Variants in ZNF148 observed in about 807,000 individuals in gnomAD.
The protein encoded by ZNF148 is Beta-Enolase Repressor Factor-1.
ZNF148 carries 7 observed loss-of-function variants against 67.7 expected under a neutral mutation model. That is an observed-to-expected ratio of 0.10 (90% CI 0.06 to 0.19). The LOEUF is 0.19. ZNF148 is among the 10% of genes least tolerant of loss of function. The probability of loss-of-function intolerance (pLI) is 1.00; values close to 1 mark genes in which losing one functional copy is unlikely to be tolerated. For synonymous variants in ZNF148, 333 were observed against 330.7 expected (o/e 1.01, Z -0.08); for missense variants, 583 against 947.1 (o/e 0.62, Z 5.05).
intron 1 of ZNF148, among the ~76,000 whole-genome samples, chr3:125,352,953 A>G (rs1344227937): frequency 6.6e-6 from 1 of 152,138 alleles, no homozygotes; most frequent in Non-Finnish European, 1.5e-5. Flanking sequence ...CCCAAAACAG[A>G]CCAATACAAA....
intron 1 of ZNF148, among the ~76,000 whole-genome samples, chr3:125,364,622 ACT>A (rs1942647189): frequency 1.4e-5 from 2 of 144,682 alleles, no homozygotes; most frequent in African/African-American, 5.3e-5. Context: ...ACACAACACT[ACT>A]CTGTTATGAC....
rs10576530 is a variant in ZNF148, at chr3:125,256,967, GTTTTTTT to G, written c.667+20752_667+20758del. Among the ~76,000 whole-genome samples, 17 of 108,120 alleles carry G rather than the reference GTTTTTTT, an allele frequency of 1.6e-4. No individual in the cohort carries two copies. The East Asian group carries it at 2.0e-3, about 12-fold the overall frequency. The allele number at this position is 108,120 out of a possible 152,430, so 70.9% of individuals were successfully genotyped here. On this transcript the variant is annotated intron_variant, in intron 7 of 8. Transcript: ENST00000360647. Reference sequence around the variant, plus strand: ...TATGTTTTCAGTTCCAGAACTTCCAGTTTTTTTTTTTTTTTTTTTTTTTTACAAACTG... The same window carrying G: ...TATGTTTTCAGTTCCAGAACTTCCAGTTTTTTTTTTTTTTTTTACAAACTG...
chr3:125,330,689 CAACA>C (rs1340828855), intron 2 of ZNF148, among the ~76,000 whole-genome samples: 1 of 151,874 alleles, frequency 6.6e-6, no homozygotes, highest in African/African-American at 2.4e-5. Context: ...ATTAAAAATA[CAACA>C]AACAGAAGAA....
intron 1 of ZNF148, among the ~76,000 whole-genome samples, chr3:125,355,043 G>C (rs961609309): frequency 6.6e-6 from 1 of 152,028 alleles, no homozygotes; most frequent in Non-Finnish European, 1.5e-5. Flanking sequence ...TCCAACCTTG[G>C]GTAAGTCACC....
At chr3:125,265,382 C>T (rs1333577910) in intron 7 of ZNF148, among the ~76,000 whole-genome samples, 1 of 152,256 alleles carries the variant, frequency 6.6e-6, no homozygotes, top group Non-Finnish European at 1.5e-5. Context: ...CCCAGCCAGT[C>T]TCTAGCATTT....
At position 125,232,058 on chromosome 3, in the gene ZNF148, CTT is replaced by C. The variant is rs566376383; in HGVS notation, c.*281_*282del. 3.5e-6 allele frequency: 1 copy of C among 286,140 alleles called. No homozygotes were observed. Among genetic ancestry groups the C allele is most frequent in the Non-Finnish European group, 6.5e-6 (1 of 154,012 alleles). 17.7% of individuals were successfully genotyped at this position (286,140 alleles called of 1,614,324 possible). A position where few individuals can be genotyped will look rare whatever the true frequency, so the allele number is the denominator to read the frequency against. On this transcript the variant is annotated 3_prime_UTR_variant, in exon 9 of 9. Coordinates refer to ENST00000360647, the MANE Select transcript of ZNF148 (RefSeq NM_021964.3). This position sits in a 1 kb window ranked among gnomAD's most constrained non-coding sequence, Gnocchi z 4.2. The stretch of plus-strand genomic sequence containing the variant: ...AGTTAGGAAACAATTGTGCGAAAGT[CTT>C]TTTTTTTTCCTTTTTAACTTGGTGT...
intron 1 of ZNF148, among the ~76,000 whole-genome samples, chr3:125,333,441 T>C (rs1288472122): frequency 6.6e-6 from 1 of 152,212 alleles, no homozygotes; most frequent in African/African-American, 2.4e-5. Flanking sequence ...ACATAGTCTG[T>C]CTCTGGAACC....
intron 1 of ZNF148, chr3:125,344,705 G>A (rs2107743553): frequency 4.9e-6 from 3 of 615,650 alleles, no homozygotes; most frequent in East Asian, 3.0e-5. Flanking sequence ...AGGAATCTGG[G>A]TGCCACTTCA....
chr3:125,302,408 A>C lies in ZNF148; in HGVS notation c.333+10900T>G, dbSNP rs892200416. 3.3e-5 allele frequency among the ~76,000 whole-genome samples: 5 copies of C among 152,020 alleles called. No homozygotes were observed. In the East Asian group the frequency reaches 9.6e-4, roughly 29 times the overall value. On this transcript the variant is annotated intron_variant, in intron 4 of 8. Coordinates refer to ENST00000360647, the MANE Select transcript of ZNF148 (RefSeq NM_021964.3). ...AAAAAAAGAAAAAAAGAAAAGAAAA[A>C]AAAAGTACATTAATGAAACCCAGAC...
At chr3:125,321,246 T>C (rs1426217555) in intron 3 of ZNF148, among the ~76,000 whole-genome samples, 1 of 152,130 alleles carries the variant, frequency 6.6e-6, no homozygotes. Context: ...ACATCATTTA[T>C]AATAATGGTA....
intron 7 of ZNF148, among the ~76,000 whole-genome samples, chr3:125,237,618 T>C (rs1936152302): frequency 6.6e-6 from 1 of 152,072 alleles, no homozygotes. Flanking sequence ...AGAATGTAGA[T>C]GATAGAGCTC....
Position 125,232,410 on chromosome 3 carries a change from C to T in ZNF148, c.2316G>A (p.Val772=). The change falls in exon 9 of 9, where the codon GTG becomes GTA. Residue 772 remains valine (V), a synonymous_variant. Coordinates refer to ENST00000360647, the MANE Select transcript of ZNF148 (RefSeq NM_021964.3). This position sits in a 1 kb window ranked among gnomAD's most constrained non-coding sequence, Gnocchi z 4.2. ...TCCCAGCTCTATTATCATTTACATT[C>T]ACCAAGGGAAATTCTGAAAATTCAG... ...TSAEFSEFPL[V]NVNDNRAGMT... 6.2e-7 allele frequency: 1 copy of T among 1,613,246 alleles called. No homozygotes were observed. The highest frequency in any genetic ancestry group is 1.1e-5 in the South Asian group (1 of 91,060).
intron 1 of ZNF148, among the ~76,000 whole-genome samples, chr3:125,339,884 G>A (rs1941643933): frequency 6.6e-6 from 1 of 152,006 alleles, no homozygotes; most frequent in Admixed American, 6.6e-5. Flanking sequence ...CGTTCAGGGT[G>A]GTATGGCCGT....
intron 4 of ZNF148, among the ~76,000 whole-genome samples, chr3:125,309,006 G>T (rs1274648079): frequency 6.6e-6 from 1 of 152,158 alleles, no homozygotes; most frequent in Non-Finnish European, 1.5e-5. Flanking sequence ...AGAGTTACAT[G>T]TAACTCCATT....
chr3:125,258,214 AGATCGAAACCATCCTGGCTAACAC>A (rs1398423870), intron 7 of ZNF148, among the ~76,000 whole-genome samples: 2 of 151,922 alleles, frequency 1.3e-5, no homozygotes, highest in African/African-American at 4.8e-5. Context: ...TGAGGTCAGG[AGATCGAAACCATCCTGGCTAACAC>A]GGTGAAACCC....
intron 1 of ZNF148, chr3:125,357,269 G>C (rs1040957676): frequency 2.0e-5 from 3 of 153,280 alleles, no homozygotes; most frequent in Non-Finnish European, 2.9e-5. Context: ...GCGCCCCTCC[G>C]CCTCCTCCTC....
intron 1 of ZNF148, among the ~76,000 whole-genome samples, chr3:125,335,951 G>A (rs538184430): frequency 6.6e-6 from 1 of 152,136 alleles, no homozygotes; most frequent in Admixed American, 6.6e-5. Flanking sequence ...AGATGTGTTA[G>A]AAGAAACTCC....
At chr3:125,374,915 C>T (rs1943014964) in intron 1 of ZNF148, among the ~76,000 whole-genome samples, 187 bp downstream of exon 1, 1 of 149,956 alleles carries the variant, frequency 6.7e-6, no homozygotes, top group Non-Finnish European at 1.5e-5. Flanking sequence ...CGCCCTGCTT[C>T]CTCACGTCCC....
intron 1 of ZNF148, among the ~76,000 whole-genome samples, chr3:125,332,247 C>G (rs1309696391): frequency 1.3e-5 from 2 of 152,102 alleles, no homozygotes; most frequent in African/African-American, 4.8e-5. Context: ...CAAAAAAAAT[C>G]TATTTTAAAA....
Sources: allele counts gnomAD v4.1 joint callset (sites outside exome capture counted in the v4.1 genomes callset), GRCh38; gene constraint gnomAD v4.1.1; non-coding constraint Gnocchi (gnomAD v3.1); transcripts MANE v1.5; gene names NCBI Gene and HGNC (gene_info 2026-07-23, HGNC 2026-07-21).